Variants in DNAH6 observed in about 807,000 individuals in gnomAD.
DNAH6 encodes dynein axonemal heavy chain 6.
A neutral mutation model predicts 491.4 loss-of-function variants in DNAH6; 340 were observed. The observed-to-expected ratio is 0.69, with a 90% CI of 0.63 to 0.76. The LOEUF (loss-of-function observed/expected upper bound fraction) is 0.76, where lower values mean the gene tolerates loss of function less well. Ranked by LOEUF, DNAH6 falls within the 30% of genes least tolerant of loss-of-function variation. The probability of loss-of-function intolerance (pLI) is 0.00; values close to 1 mark genes in which losing one functional copy is unlikely to be tolerated. For synonymous variants in DNAH6, 1,603 were observed against 1,686.1 expected (o/e 0.95, Z 1.21); for missense variants, 4,443 against 4,972.2 (o/e 0.89, Z 3.20).
intron 14 of DNAH6, among the ~76,000 whole-genome samples, chr2:84,582,626 CT>C (rs1683147845): frequency 6.6e-6 from 1 of 152,038 alleles, no homozygotes; most frequent in Non-Finnish European, 1.5e-5. Flanking sequence ...TAATTTTTTT[CT>C]ATTTTTAGTA....
rs376584226 is a variant in DNAH6 at position 84,787,311 on chromosome 2, G to A, written c.11239+9G>A. On this transcript the variant is annotated intron_variant, in intron 68 of 76. Coordinates refer to ENST00000389394, the MANE Select transcript of DNAH6 (RefSeq NM_001370.2). The stretch of plus-strand genomic sequence containing the variant: ...ACTAATTTACATTACTGGTGAGTAC[G>A]TCCTTGTGGCCAGGCCTTCCATCTA... 328 of 1,545,422 alleles carry A rather than the reference G, an allele frequency of 2.1e-4. 1 individual carries two copies. In the African/African-American group the frequency reaches 3.7e-3, roughly 17 times the overall value.
chr2:84,680,808 T>G (rs902295218), intron 41 of DNAH6, among the ~76,000 whole-genome samples: 4 of 151,824 alleles, frequency 2.6e-5, no homozygotes, highest in African/African-American at 9.7e-5. Context: ...ATCCAAGAAA[T>G]GTGTTCAAGA....
chr2:84,763,129 C>T (rs529053050), intron 64 of DNAH6, among the ~76,000 whole-genome samples, 184 bp downstream of exon 64: 2 of 152,114 alleles, frequency 1.3e-5, no homozygotes, highest in East Asian at 3.9e-4. Context: ...ATAAACGTAG[C>T]TGTAAATTTT....
At chr2:84,717,029 C>G (rs1697601405) in intron 58 of DNAH6, among the ~76,000 whole-genome samples, 1 of 152,164 alleles carries the variant, frequency 6.6e-6, no homozygotes, top group Non-Finnish European at 1.5e-5. Context: ...GTTCACCTCC[C>G]TGCCTCCTGG....
At position 84,805,688 on chromosome 2, in the gene DNAH6, C is replaced by G. The variant is rs1371888627; in HGVS notation, c.11505C>G (p.Ile3835Met). The G allele has an allele frequency of 1.3e-6, 2 of 1,551,422 alleles. No homozygotes were observed. The highest frequency in any genetic ancestry group is 2.7e-5 in the African/African-American group (2 of 73,038). ...VFQYKETSTLINTILEVQPRS... is the reference protein window; with the variant it reads ...VFQYKETSTLMNTILEVQPRS... ...AGTACAAAGAGACCAGCACTTTAATCAACACCATACTTGAGGTTCAGCCAA... is the reference window on the plus strand; with the variant it reads ...AGTACAAAGAGACCAGCACTTTAATGAACACCATACTTGAGGTTCAGCCAA... Residue 3835 changes from isoleucine (I) to methionine (M), a missense_variant, in exon 71 of 77, where the codon ATC (isoleucine) becomes ATG (methionine). Transcript: ENST00000389394.
rs1487600447 is a variant in DNAH6, at chr2:84,685,159, TC to T, written c.6917-166del. Among the ~76,000 whole-genome samples the T allele has an allele frequency of 1.7e-4, 26 of 152,262 alleles. No individual in the cohort carries two copies. The East Asian group carries it at 4.8e-3, about 28-fold the overall frequency. On this transcript the variant is annotated intron_variant, in intron 42 of 76. Transcript: ENST00000389394. ...CAAATAATGTATCCCAGATTTGTTA[TC>T]AAAAAATGAGGTCACTATTAGTATA...
chr2:84,661,468 T>G (rs1307868261), intron 37 of DNAH6, among the ~76,000 whole-genome samples: 1 of 152,092 alleles, frequency 6.6e-6, no homozygotes, highest in East Asian at 1.9e-4. Context: ...TGATTACAAT[T>G]AATAAGTACA....
chr2:84,803,249 G>C lies in DNAH6; in HGVS notation c.11482-2416G>C, dbSNP rs1679093788. 1.3e-5 allele frequency among the ~76,000 whole-genome samples: 2 copies of C among 152,102 alleles called. 1 individual carries two copies. Among genetic ancestry groups the C allele is most frequent in the South Asian group, 4.1e-4 (2 of 4,828 alleles). ...CACTTACAAGTGGAAGCTAAACACTGGGTACACATGGACGTAAAGATGGGA... is the reference window on the plus strand; with the variant it reads ...CACTTACAAGTGGAAGCTAAACACTCGGTACACATGGACGTAAAGATGGGA... On this transcript the variant is annotated intron_variant, in intron 70 of 76. Coordinates refer to ENST00000389394, the MANE Select transcript of DNAH6 (RefSeq NM_001370.2).
At position 84,624,575 on chromosome 2, in the gene DNAH6, T is replaced by C; in HGVS notation, c.4308T>C (p.Tyr1436=). The C allele has an allele frequency of 6.4e-7, 1 of 1,551,650 alleles. No individual in the cohort carries two copies. Among genetic ancestry groups the C allele is most frequent in the Non-Finnish European group, 8.7e-7 (1 of 1,146,924 alleles). ...CGCTCTCTCAGTACACTTATGGCTA[T>C]GAATATTTGGGTGCATGCCCAAGAT... ...RMALSQYTYG[Y]EYLGACPRLV... Residue 1436 remains tyrosine (Y), a synonymous_variant, in exon 28 of 77, where the codon TAT becomes TAC. Transcript: ENST00000389394.
chr2:84,730,839 A>G (rs1189685596), intron 61 of DNAH6, among the ~76,000 whole-genome samples: 3 of 152,252 alleles, frequency 2.0e-5, no homozygotes, highest in Non-Finnish European at 2.9e-5. Flanking sequence ...AGATCAAAAT[A>G]CAGCAAAACC....
rs1212353238 is a variant in DNAH6, at chr2:84,607,005, T to G, written c.3204T>G (p.Val1068=). ...QVLLDDSTIN[V]ATLASSRYLG... is the part of the protein sequence containing the mutation. ...TTCTTGATGATAGCACCATCAATGT[T>G]GCAACTCTTGCCTCATCACGTTACC... The change falls in exon 21 of 77, where the codon GTT becomes GTG. Residue 1068 remains valine, a synonymous_variant. Coordinates refer to ENST00000389394, the MANE Select transcript of DNAH6 (RefSeq NM_001370.2). The G allele has an allele frequency of 6.4e-7, 1 of 1,551,444 alleles. No homozygotes were observed. Among genetic ancestry groups the G allele is most frequent in the East Asian group, 2.4e-5 (1 of 40,900 alleles).
the DNAH6 span, among the ~76,000 whole-genome samples, chr2:84,477,834 AT>A: frequency 1.3e-5 from 2 of 152,234 alleles, no homozygotes. Flanking sequence ...TAGAATCGGG[AT>A]GTGCTAAAGC....
intron 10 of DNAH6, among the ~76,000 whole-genome samples, chr2:84,553,424 T>G (rs962871273): frequency 6.8e-6 from 1 of 147,252 alleles, no homozygotes; most frequent in Non-Finnish European, 1.5e-5. Context: ...TTTCTTTCTT[T>G]CTTTCTTTCT....
At chr2:84,588,357 G>A (rs1458457301) in intron 15 of DNAH6, among the ~76,000 whole-genome samples, 1 of 152,098 alleles carries the variant, frequency 6.6e-6, no homozygotes, top group African/African-American at 2.4e-5. Flanking sequence ...CCATTCACTG[G>A]GGTTTCAACC....
chr2:84,526,051 T>A (rs1306005204), intron 3 of DNAH6, among the ~76,000 whole-genome samples: 1 of 152,128 alleles, frequency 6.6e-6, no homozygotes. Context: ...AAAATGGTAA[T>A]CTTTGAAGAC....
intron 11 of DNAH6, among the ~76,000 whole-genome samples, chr2:84,564,886 A>AT (rs1415518224): frequency 4.0e-5 from 6 of 151,870 alleles, no homozygotes; most frequent in East Asian, 3.9e-4. Flanking sequence ...CTGCTTAGGG[A>AT]TTTTATCATG....
chr2:84,752,703 A>G (rs1391457946), intron 63 of DNAH6, among the ~76,000 whole-genome samples: 1 of 151,746 alleles, frequency 6.6e-6, no homozygotes, highest in East Asian at 1.9e-4. Flanking sequence ...ATTTAACATA[A>G]TATTTTAAAG....
At chr2:84,657,121 G>T (rs150333912) in intron 35 of DNAH6, among the ~76,000 whole-genome samples, 3 of 151,916 alleles carry the variant, frequency 2.0e-5, no homozygotes, top group South Asian at 4.2e-4. Flanking sequence ...TTGCTTTTTC[G>T]TTAAAAATCA....
chr2:84,746,375 G>T (rs1403427061), intron 63 of DNAH6, among the ~76,000 whole-genome samples: 1 of 152,050 alleles, frequency 6.6e-6, no homozygotes, highest in Non-Finnish European at 1.5e-5. Flanking sequence ...ATAGCAGAGG[G>T]TCAGGAAAAG....
Sources: allele counts gnomAD v4.1 joint callset (sites outside exome capture counted in the v4.1 genomes callset), GRCh38; gene constraint gnomAD v4.1.1; transcripts MANE v1.5; gene names NCBI Gene and HGNC (gene_info 2026-07-23, HGNC 2026-07-21).